Variants in PCDH11X observed in about 807,000 individuals in gnomAD.
The protein encoded by PCDH11X is protocadherin-11 X-linked.
A neutral mutation model predicts 53.3 loss-of-function variants in PCDH11X; 18 were observed. The ratio of observed to expected loss-of-function variants is 0.34; its 90% CI spans 0.23 to 0.50. PCDH11X has a LOEUF of 0.50. Ranked by LOEUF, PCDH11X falls within the 20% of genes least tolerant of loss-of-function variation. PCDH11X has a pLI of 0.98. For synonymous variants in PCDH11X, 279 were observed against 393.3 expected, an observed-to-expected ratio of 0.71 and a Z score of 3.44; for missense variants, 570 against 1,032.4, an observed-to-expected ratio of 0.55 and a Z score of 6.14.
At chrX:92,137,619 CACT>C (rs1429546054) in intron 6 of PCDH11X, among the ~76,000 whole-genome samples, 2 of 110,595 alleles carry the variant, frequency 1.8e-5, no homozygotes, top group Non-Finnish European at 3.8e-5. Context: ...TTGCAACTAC[CACT>C]ACAATTAATT....
chrX:92,018,276 G>A (rs755363765), intron 6 of PCDH11X, among the ~76,000 whole-genome samples: 2 of 111,825 alleles, frequency 1.8e-5, no homozygotes, highest in East Asian at 5.6e-4. Context: ...GATATATTTC[G>A]TTTTAAAAAA....
chrX:92,366,694 C>T (rs1281670492), intron 8 of PCDH11X, among the ~76,000 whole-genome samples: 1 of 89,073 alleles, frequency 1.1e-5, no homozygotes, highest in Middle Eastern at 5.5e-3. Context: ...TATGTTGTCT[C>T]TTTGTTCTCA....
Position 91,877,498 on chromosome X carries a change from A to C in PCDH11X, c.1258A>C (p.Thr420Pro). 1.7e-6 allele frequency: 2 copies of C among 1,211,421 alleles called. No individual in the cohort carries two copies. Among genetic ancestry groups the C allele is most frequent in the Non-Finnish European group, 2.2e-6 (2 of 895,403 alleles). ...PVFSNQFLLE[T>P]AAYLDYESTK... is the part of the protein sequence containing the mutation. Reference sequence around the variant, plus strand: ...ATTCAGTAATCAGTTCCTCCTGGAGACTGCAGCATATCTTGACTATGAGTC... The same window carrying C: ...ATTCAGTAATCAGTTCCTCCTGGAGCCTGCAGCATATCTTGACTATGAGTC... The change falls in exon 6 of 11, where the codon ACT (threonine) becomes CCT (proline). Residue 420 changes from threonine to proline, a missense_variant. By Grantham distance (38) the Thr-to-Pro change is conservative. This residue lies in a region of PCDH11X where 226 missense variants were observed against 457.5 expected (regional missense o/e 0.49). Coordinates refer to ENST00000682573, the MANE Select transcript of PCDH11X (RefSeq NM_032968.5).
chrX:91,861,801 C>T (rs747162115), intron 5 of PCDH11X, among the ~76,000 whole-genome samples: 1 of 111,973 alleles, frequency 8.9e-6, no homozygotes, highest in South Asian at 3.7e-4. Flanking sequence ...ACAATAACCT[C>T]CTCCCTTGGC....
At chrX:92,121,995 T>TTTTTC (rs2064777412) in intron 6 of PCDH11X, among the ~76,000 whole-genome samples, 1 of 105,507 alleles carries the variant, frequency 9.5e-6, no homozygotes, top group African/African-American at 3.5e-5. Context: ...TTTTTTTTTT[T>TTTTTC]TTTTTTGAAA....
intron 5 of PCDH11X, among the ~76,000 whole-genome samples, chrX:91,850,733 T>G (rs1937959320): frequency 9.0e-6 from 1 of 111,177 alleles, no homozygotes; most frequent in Non-Finnish European, 1.9e-5. Context: ...TTTTCACTTT[T>G]AAATTAAAAC....
At chrX:92,210,876 T>A (rs998460270) in intron 7 of PCDH11X, among the ~76,000 whole-genome samples, 6 of 111,796 alleles carry the variant, frequency 5.4e-5, no homozygotes, top group Admixed American at 2.9e-4. Flanking sequence ...TGAGACCACC[T>A]CAGCCTGGAC....
At chrX:92,131,557 C>A (rs995550114) in intron 6 of PCDH11X, among the ~76,000 whole-genome samples, 7 of 111,573 alleles carry the variant, frequency 6.3e-5, no homozygotes, top group African/African-American at 2.3e-4. Context: ...GAATTTATCT[C>A]CACACCAACT....
At chrX:92,057,847 G>T (rs1449326683) in intron 6 of PCDH11X, among the ~76,000 whole-genome samples, 1 of 104,436 alleles carries the variant, frequency 9.6e-6, no homozygotes, top group Non-Finnish European at 1.9e-5. Context: ...TTATGTTGTG[G>T]ATTCAATTCT....
At chrX:92,423,652 A>G (rs1349943018) in intron 9 of PCDH11X, among the ~76,000 whole-genome samples, 1 of 93,642 alleles carries the variant, frequency 1.1e-5, no homozygotes, top group Non-Finnish European at 2.3e-5. Context: ...GTTGCATCTT[A>G]AGTTGATTTT....
intron 10 of PCDH11X, among the ~76,000 whole-genome samples, chrX:92,614,238 G>T (rs1569510675): frequency 9.0e-6 from 1 of 111,107 alleles, no homozygotes; most frequent in Non-Finnish European, 1.9e-5. Context: ...TCTTGCACTG[G>T]TTTCTTCTCA....
intron 7 of PCDH11X, among the ~76,000 whole-genome samples, chrX:92,212,256 C>A (rs984227740): frequency 5.4e-5 from 6 of 111,829 alleles, no homozygotes; most frequent in Non-Finnish European, 1.1e-4. Context: ...AAGTAATCCA[C>A]CCACCTTGGC....
intron 5 of PCDH11X, among the ~76,000 whole-genome samples, chrX:91,844,980 C>T (rs184227529): frequency 0.012 from 1,319 of 110,951 alleles, 43 homozygotes; most frequent in Admixed American, 0.1. Flanking sequence ...TGCATGAATT[C>T]TAGAGAAACA....
chrX:92,143,035 G>A (rs1438483654), intron 6 of PCDH11X, among the ~76,000 whole-genome samples: 1 of 111,341 alleles, frequency 9.0e-6, no homozygotes, highest in Non-Finnish European at 1.9e-5. Context: ...CTAGCATTTT[G>A]GGAGGCTAAG....
chrX:92,436,620 TG>T (rs1221095462), intron 9 of PCDH11X, among the ~76,000 whole-genome samples: 1 of 111,340 alleles, frequency 9.0e-6, no homozygotes, highest in African/African-American at 3.3e-5. Context: ...GTGGCACACA[TG>T]AAATATTATG....
chrX:91,891,957 AG>A (rs1449225009), intron 6 of PCDH11X, among the ~76,000 whole-genome samples: 3 of 96,844 alleles, frequency 3.1e-5, no homozygotes, highest in Non-Finnish European at 6.2e-5. Flanking sequence ...AAAGAAAAAA[AG>A]CACATAAAAG....
intron 6 of PCDH11X, among the ~76,000 whole-genome samples, chrX:91,976,118 T>C (rs2147918500): frequency 9.0e-6 from 1 of 111,652 alleles, no homozygotes; most frequent in African/African-American, 3.3e-5. Flanking sequence ...AGTGGTGCGA[T>C]CAGGGCTCAC....
intron 6 of PCDH11X, among the ~76,000 whole-genome samples, chrX:92,120,155 CTTTTTTT>C (rs764997941): frequency 6.6e-5 from 4 of 60,702 alleles, no homozygotes; most frequent in African/African-American, 1.6e-4. Flanking sequence ...ACTTTTCTTT[CTTTTTTT>C]TTTTTTTTTT....
At chrX:91,955,207 G>A (rs1427031166) in intron 6 of PCDH11X, among the ~76,000 whole-genome samples, 1 of 110,810 alleles carries the variant, frequency 9.0e-6, no homozygotes, top group African/African-American at 3.3e-5. Flanking sequence ...TTATTAAATA[G>A]GGAGTCTTTC....
Sources: gnomAD v4.1 joint callset for allele counts (sites outside exome capture counted in the v4.1 genomes callset) on GRCh38, gnomAD v4.1.1 for gene constraint, gnomAD v4.1.1 regional missense constraint, MANE v1.5 for transcripts, NCBI Gene and HGNC (gene_info 2026-07-23, HGNC 2026-07-21) for gene names.